The following APPL2 variants were observed in gnomAD, a reference collection of about 807,000 sequenced individuals.
APPL2 encodes DCC-interacting protein 13-beta.
A neutral mutation model predicts 92.7 loss-of-function variants in APPL2; 84 were observed. The observed-to-expected ratio is 0.91, with a 90% CI of 0.76 to 1.09. APPL2 has a LOEUF of 1.09. APPL2 is among the 50% of genes least tolerant of loss of function. The pLI, the probability that APPL2 is intolerant of heterozygous loss-of-function variation, is 0.00. For missense variants in APPL2, 736 were observed against 824.5 expected, an observed-to-expected ratio of 0.89 and a Z score of 1.31; for synonymous variants, 291 against 291.0, an observed-to-expected ratio of 1.00 and a Z score of 0.00.
chr12:105,193,175 A>G (rs2135951311), intron 14 of APPL2, among the ~76,000 whole-genome samples: 1 of 152,192 alleles, frequency 6.6e-6, no homozygotes, highest in East Asian at 1.9e-4. Flanking sequence ...TGGTCTAAGA[A>G]TGTGACTTGC....
intron 2 of APPL2, among the ~76,000 whole-genome samples, chr12:105,221,203 A>G (rs190521483): frequency 6.6e-6 from 1 of 152,340 alleles, no homozygotes; most frequent in East Asian, 1.9e-4. Context: ...TCTCTACAAC[A>G]GGACTTGCAA....
At chr12:105,209,487 G>A (rs917200483) in intron 5 of APPL2, among the ~76,000 whole-genome samples, 2 of 152,174 alleles carry the variant, frequency 1.3e-5, no homozygotes, top group African/African-American at 4.8e-5. Context: ...TGTCATTAAT[G>A]CTGCTGGGCA....
Position 105,217,657 on chromosome 12 carries a change from C to T in APPL2, c.213+9G>A. 1.2e-6 allele frequency: 2 copies of T among 1,613,858 alleles called. No homozygotes were observed. The highest frequency in any genetic ancestry group is 1.7e-6 in the Non-Finnish European group (2 of 1,179,890). On this transcript the variant is annotated intron_variant, in intron 3 of 20. Transcript: ENST00000258530. ...AGCAGCATCACAGGCCACATAAATA[C>T]CAAGTTACCTGTTTTTCATATGCCA...
At chr12:105,235,164 G>A (rs1434441474) in intron 1 of APPL2, 1 of 152,174 alleles carries the variant, frequency 6.6e-6, no homozygotes, top group East Asian at 1.9e-4. Context: ...CAGGAGTGTA[G>A]GTACGAAGCT....
chr12:105,207,686 C>A (rs1888850141), intron 7 of APPL2, among the ~76,000 whole-genome samples: 1 of 152,160 alleles, frequency 6.6e-6, no homozygotes, highest in South Asian at 2.1e-4. Flanking sequence ...GTTCAAGTGA[C>A]CTGGGTGATA....
intron 1 of APPL2, among the ~76,000 whole-genome samples, chr12:105,234,995 C>T (rs752692076): frequency 6.6e-6 from 1 of 152,166 alleles, no homozygotes; most frequent in Non-Finnish European, 1.5e-5. Context: ...ATACAAGGAT[C>T]ATCCTGGGAA....
chr12:105,206,752 G>A (rs1888733987), intron 8 of APPL2: 1 of 241,060 alleles, frequency 4.1e-6, no homozygotes, highest in African/African-American at 2.3e-5. Context: ...GCTGCTTCTA[G>A]GAGAACTGCA....
intron 14 of APPL2, among the ~76,000 whole-genome samples, chr12:105,193,473 A>G (rs1395653357): frequency 6.6e-6 from 1 of 152,210 alleles, no homozygotes; most frequent in African/African-American, 2.4e-5. Flanking sequence ...ATGTCTCTCA[A>G]CTGCAGGTCT....
At chr12:105,197,059 C>T (rs1369459065) in intron 11 of APPL2, among the ~76,000 whole-genome samples, 2 of 152,140 alleles carry the variant, frequency 1.3e-5, no homozygotes, top group Non-Finnish European at 2.9e-5. Flanking sequence ...AAGAGCGGCT[C>T]TGATGACGGG....
At chr12:105,186,659 A>ATATATCATATATATGATATCGATATCAT (rs1295986599) in intron 17 of APPL2, among the ~76,000 whole-genome samples, 11 of 39,976 alleles carry the variant, frequency 2.8e-4, no homozygotes, top group African/African-American at 9.4e-4. Flanking sequence ...TCGATATCAT[A>ATATATCATATATATGATATCGATATCAT]TATATCATAT....
At chr12:105,203,577 T>A (rs1451859324) in intron 9 of APPL2, 126 bp downstream of exon 9, 1 of 812,534 alleles carries the variant, frequency 1.2e-6, no homozygotes, top group Non-Finnish European at 2.0e-6. Context: ...TTAGCGAGCA[T>A]TTCTGGGGTG....
chr12:105,217,852 T>C (rs1407728010), intron 2 of APPL2, 127 bp from the exon 3 acceptor site: 2 of 773,500 alleles, frequency 2.6e-6, no homozygotes, highest in Non-Finnish European at 4.1e-6. Context: ...CCTATAATCC[T>C]AGTACTTTGG....
At chr12:105,200,437 G>A (rs930816041) in intron 9 of APPL2, among the ~76,000 whole-genome samples, 5 of 152,222 alleles carry the variant, frequency 3.3e-5, no homozygotes, top group East Asian at 1.9e-4. Flanking sequence ...TAGGCTAGCA[G>A]GCCAAGGGCT....
intron 4 of APPL2, among the ~76,000 whole-genome samples, chr12:105,213,235 C>T (rs960323098): frequency 6.6e-6 from 1 of 152,210 alleles, no homozygotes; most frequent in Non-Finnish European, 1.5e-5. Context: ...CTCATTTTCT[C>T]CCCAAGAATT....
Position 105,203,742 on chromosome 12 carries a change from A to C in APPL2, c.665T>G (p.Met222Arg). 6.2e-7 allele frequency: 1 copy of C among 1,614,268 alleles called. No homozygotes were observed. Residue 222 changes from methionine (M) to arginine (R), a missense_variant, in exon 9 of 21, where the codon ATG (methionine) becomes AGG (arginine). Transcript: ENST00000258530. ...TGCAACGGAGGATAAAAAGCTGTCCATACGTTTGGAAAACATCTCTGCTCC... is the reference window on the plus strand; with the variant it reads ...TGCAACGGAGGATAAAAAGCTGTCCCTACGTTTGGAAAACATCTCTGCTCC... Reference protein sequence around the residue: ...KKGAEMFSKRMDSFLSSVADM... With the variant: ...KKGAEMFSKRRDSFLSSVADM...
chr12:105,235,856 T>C, intron 1 of APPL2, 103 bp downstream of exon 1: 1 of 997,970 alleles, frequency 1.0e-6, no homozygotes, highest in Non-Finnish European at 1.3e-6. Context: ...CCGGGCGCAC[T>C]CCCGCGGCTG....
rs76502294 is a variant in APPL2 at position 105,198,001 on chromosome 12, G to A, written c.864-48C>T. 0.01 allele frequency: 16,331 copies of A among 1,576,558 alleles called. 1,482 individuals are homozygous for A. The African/African-American group carries it at 0.2, about 19-fold the overall frequency. On this transcript the variant is annotated intron_variant, in intron 10 of 20. Transcript: ENST00000258530. ...CCCATTAGTACCAGAAAGCACCAGC[G>A]GCCACCTCCAAGTCTTGCTACCTCG...
At chr12:105,176,590 T>C (rs542720157) in intron 19 of APPL2, among the ~76,000 whole-genome samples, 35 of 152,312 alleles carry the variant, frequency 2.3e-4, no homozygotes, top group Admixed American at 3.9e-4. Context: ...AAGAACAAAT[T>C]TGAGGGGAAC....
intron 3 of APPL2, 53 bp from the exon 4 acceptor site, chr12:105,217,193 G>T: frequency 8.0e-7 from 1 of 1,248,020 alleles, no homozygotes. Context: ...GGGGAATTCA[G>T]CACGAAGCAT....
Sources: gnomAD v4.1 joint callset for allele counts (sites outside exome capture counted in the v4.1 genomes callset) on GRCh38, gnomAD v4.1.1 for gene constraint, MANE v1.5 for transcripts, NCBI Gene and HGNC (gene_info 2026-07-23, HGNC 2026-07-21) for gene names.